Variants in GALNT13 observed in about 807,000 individuals in gnomAD.
GALNT13 encodes polypeptide N-acetylgalactosaminyltransferase 13, also known as UDP-GalNAc:polypeptide N-acetylgalactosaminyltransferase 13.
GALNT13 carries 28 observed loss-of-function variants against 64.2 expected under a neutral mutation model. That is an observed-to-expected ratio of 0.44 (90% CI 0.32 to 0.60). The LOEUF is 0.60. Among genes scored for constraint, GALNT13 ranks in the 20% least tolerant of loss-of-function variants. The pLI is 0.05. For missense variants in GALNT13, 577 were observed against 669.8 expected (o/e 0.86, Z 1.53); for synonymous variants, 214 against 224.6 (o/e 0.95, Z 0.42).
intron 11 of GALNT13, among the ~76,000 whole-genome samples, chr2:154,435,116 A>G (rs976489457): frequency 6.6e-6 from 1 of 152,226 alleles, no homozygotes; most frequent in African/African-American, 2.4e-5. Flanking sequence ...AAATGGAAAC[A>G]TATGCTAAAT....
chr2:153,540,288 T>A, the GALNT13 span, among the ~76,000 whole-genome samples: 1 of 152,194 alleles, frequency 6.6e-6, no homozygotes, highest in Non-Finnish European at 1.5e-5. Context: ...CCATATGGTA[T>A]TGGTCCTGCA....
chr2:153,341,208 G>A, the GALNT13 span, among the ~76,000 whole-genome samples: 1 of 152,150 alleles, frequency 6.6e-6, no homozygotes, highest in Admixed American at 6.5e-5. Context: ...AGTATTGCAT[G>A]GGTTTTCTAT....
the GALNT13 span, among the ~76,000 whole-genome samples, chr2:153,843,925 G>A: frequency 1.3e-5 from 2 of 152,194 alleles, no homozygotes; most frequent in African/African-American, 4.8e-5. Flanking sequence ...GGGCTCCCAA[G>A]GCCTTGGGCA....
intron 4 of GALNT13, among the ~76,000 whole-genome samples, chr2:154,145,719 A>C (rs1321074188): frequency 6.6e-6 from 1 of 151,998 alleles, no homozygotes; most frequent in Non-Finnish European, 1.5e-5. Flanking sequence ...GTAGCATACA[A>C]ATTTTGAATA....
At chr2:154,139,599 A>T (rs1439519921) in intron 3 of GALNT13, among the ~76,000 whole-genome samples, 1 of 147,578 alleles carries the variant, frequency 6.8e-6, no homozygotes, top group African/African-American at 2.5e-5. Context: ...ATATATTAGC[A>T]TGCATACAGG....
chr2:153,799,864 A>T, the GALNT13 span, among the ~76,000 whole-genome samples: 1 of 152,162 alleles, frequency 6.6e-6, no homozygotes, highest in African/African-American at 2.4e-5. Context: ...AATGGAACAA[A>T]GCTACAACTG....
intron 2 of GALNT13, among the ~76,000 whole-genome samples, chr2:153,938,236 G>A (rs1691089185): frequency 6.6e-6 from 1 of 152,096 alleles, no homozygotes; most frequent in Admixed American, 6.6e-5. Context: ...ATTTGGTATG[G>A]TAGTAATGGA....
the GALNT13 span, among the ~76,000 whole-genome samples, chr2:153,699,267 A>C: frequency 8.9e-3 from 1,359 of 152,320 alleles, 11 homozygotes; most frequent in South Asian, 0.021. Flanking sequence ...TTAAGGCAGA[A>C]ATCAAGAAGT....
chr2:154,144,294 T>G (rs1683440793), intron 4 of GALNT13, among the ~76,000 whole-genome samples: 1 of 152,024 alleles, frequency 6.6e-6, no homozygotes, highest in African/African-American at 2.4e-5. Flanking sequence ...TTACCATGAG[T>G]CACATATCCA....
chr2:153,806,909 A>T, the GALNT13 span, among the ~76,000 whole-genome samples: 1 of 121,634 alleles, frequency 8.2e-6, no homozygotes, highest in Non-Finnish European at 1.9e-5. Context: ...CAAGATGTAC[A>T]CTTTGGTGAA....
chr2:154,366,819 A>G (rs1697389687), intron 9 of GALNT13, among the ~76,000 whole-genome samples: 1 of 152,180 alleles, frequency 6.6e-6, no homozygotes, highest in South Asian at 2.1e-4. Flanking sequence ...ACAAAAAAGC[A>G]AGTCTAAGTT....
At chr2:153,826,260 T>C in the GALNT13 span, among the ~76,000 whole-genome samples, 1 of 152,130 alleles carries the variant, frequency 6.6e-6, no homozygotes, top group South Asian at 2.1e-4. Flanking sequence ...CCTCTTCTTA[T>C]AAATCCACCA....
intron 3 of GALNT13, among the ~76,000 whole-genome samples, chr2:154,020,818 G>T (rs1197024672): frequency 2.6e-5 from 4 of 151,936 alleles, no homozygotes; most frequent in Non-Finnish European, 5.9e-5. Flanking sequence ...TTCTTCTAGG[G>T]TTTTTATGGT....
the GALNT13 span, among the ~76,000 whole-genome samples, chr2:153,498,495 G>C: frequency 6.6e-6 from 1 of 152,232 alleles, no homozygotes; most frequent in African/African-American, 2.4e-5. Context: ...TGCACAGCCA[G>C]GCATGCTGGC....
chr2:154,174,308 A>G (rs75852065), intron 4 of GALNT13, among the ~76,000 whole-genome samples: 2,123 of 152,202 alleles, frequency 0.014, 51 homozygotes, highest in African/African-American at 0.049. Context: ...AGATGCAATT[A>G]CAGTTTAAGC....
At chr2:153,402,959 C>T in the GALNT13 span, among the ~76,000 whole-genome samples, 3 of 152,122 alleles carry the variant, frequency 2.0e-5, no homozygotes, top group African/African-American at 4.8e-5. Context: ...AGCTTTGTTC[C>T]GTTGCTGGTG....
Position 154,355,753 on chromosome 2 carries a change from T to C in GALNT13, c.1157-40238T>C, listed in dbSNP as rs745891298. Among the ~76,000 whole-genome samples the C allele has an allele frequency of 5.7e-4, 87 of 152,106 alleles. 1 individual carries two copies. The highest frequency in any genetic ancestry group is 1.1e-3 in the Non-Finnish European group (72 of 67,960). ...AATGAGTACTTTCCCAATACCCATT[T>C]AGGCAAAATTATCCACTCAATAAAA... On this transcript the variant is annotated intron_variant, in intron 9 of 12. Coordinates refer to ENST00000392825, the MANE Select transcript of GALNT13 (RefSeq NM_052917.4).
At chr2:153,818,224 C>CT in the GALNT13 span, among the ~76,000 whole-genome samples, 1 of 152,180 alleles carries the variant, frequency 6.6e-6, no homozygotes, top group Non-Finnish European at 1.5e-5. Flanking sequence ...CCCCGAGGGA[C>CT]TCCGGATTGA....
intron 8 of GALNT13, among the ~76,000 whole-genome samples, chr2:154,271,920 C>T (rs1289746276): frequency 1.3e-5 from 2 of 151,696 alleles, no homozygotes; most frequent in East Asian, 3.9e-4. Context: ...CTGAATGGTA[C>T]TCGCAAGACA....
Sources: allele counts gnomAD v4.1 joint callset (sites outside exome capture counted in the v4.1 genomes callset), GRCh38; gene constraint gnomAD v4.1.1; transcripts MANE v1.5; gene names NCBI Gene and HGNC (gene_info 2026-07-23, HGNC 2026-07-21).